The following PTPN4 variants were observed in gnomAD, a reference collection of about 807,000 sequenced individuals.
The protein encoded by PTPN4 is protein tyrosine phosphatase non-receptor type 4.
A neutral mutation model predicts 135.5 loss-of-function variants in PTPN4; 49 were observed. The ratio of observed to expected loss-of-function variants is 0.36; its 90% CI spans 0.29 to 0.46. The LOEUF is 0.46. PTPN4 is among the 20% of genes least tolerant of loss of function. The pLI is 1.00. For synonymous variants in PTPN4, 333 were observed against 369.9 expected (o/e 0.90, Z 1.14); for missense variants, 860 against 1,101.0 (o/e 0.78, Z 3.10).
chr2:119,888,618 A>G (rs1678194571), intron 9 of PTPN4, among the ~76,000 whole-genome samples: 1 of 152,140 alleles, frequency 6.6e-6, no homozygotes. Context: ...TTCTTGTGAT[A>G]TATCATGTTT....
chr2:119,847,523 C>T (rs533953355), intron 2 of PTPN4, among the ~76,000 whole-genome samples: 2 of 152,094 alleles, frequency 1.3e-5, no homozygotes, highest in African/African-American at 4.8e-5. Context: ...AACGGTATTT[C>T]TCCACATTGG....
At chr2:119,880,252 C>T (rs1678051268) in intron 5 of PTPN4, 2 of 152,096 alleles carry the variant, frequency 1.3e-5, no homozygotes, top group Non-Finnish European at 2.9e-5. Context: ...GACTTGAATT[C>T]TGGTTTCTAC....
At chr2:119,798,746 T>A (rs970343082) in intron 1 of PTPN4, among the ~76,000 whole-genome samples, 1 of 152,260 alleles carries the variant, frequency 6.6e-6, no homozygotes, top group Non-Finnish European at 1.5e-5. Context: ...TTTAGGTCTA[T>A]ATTTATTTGG....
At chr2:119,964,870 TAGTACCAAC>T (rs1168080041) in intron 24 of PTPN4, among the ~76,000 whole-genome samples, 2 of 152,206 alleles carry the variant, frequency 1.3e-5, no homozygotes, top group African/African-American at 4.8e-5. Flanking sequence ...GATAATGTCA[TAGTACCAAC>T]AGGTTCATAT....
At chr2:119,866,270 A>T (rs1294607028) in intron 3 of PTPN4, among the ~76,000 whole-genome samples, 1 of 152,038 alleles carries the variant, frequency 6.6e-6, no homozygotes, top group African/African-American at 2.4e-5. Flanking sequence ...TATTAAATTG[A>T]ATTATACTGC....
At position 119,957,093 on chromosome 2, in the gene PTPN4, T is replaced by C. The variant is rs1290697463; in HGVS notation, c.2133+16T>C. ...CTATATAAATGTAAGTTTATTCTTA[T>C]TATGCCTTTGCCATTTGGAAAAATA... On this transcript the variant is annotated intron_variant, in intron 22 of 26. Transcript: ENST00000263708. The C allele has an allele frequency of 7.5e-6, 12 of 1,591,506 alleles. No individual in the cohort carries two copies. The highest frequency in any genetic ancestry group is 1.0e-5 in the Non-Finnish European group (12 of 1,169,734).
At chr2:119,876,104 G>C (rs1677979137) in intron 3 of PTPN4, among the ~76,000 whole-genome samples, 1 of 152,162 alleles carries the variant, frequency 6.6e-6, no homozygotes, top group Non-Finnish European at 1.5e-5. Flanking sequence ...GAAACAGAAA[G>C]GAGGCCATTA....
At chr2:119,807,733 G>T (rs531529780) in intron 1 of PTPN4, among the ~76,000 whole-genome samples, 193 of 152,276 alleles carry the variant, frequency 1.3e-3, no homozygotes, top group African/African-American at 4.4e-3. Flanking sequence ...TATGAGGCCA[G>T]CATCATCCTG....
chr2:119,783,140 A>C (rs528496883), intron 1 of PTPN4, among the ~76,000 whole-genome samples: 2 of 152,074 alleles, frequency 1.3e-5, no homozygotes, highest in Non-Finnish European at 2.9e-5. Flanking sequence ...ATTTGAGTTC[A>C]GTTTTCACTC....
chr2:119,936,399 C>T (rs1678984688), intron 15 of PTPN4, among the ~76,000 whole-genome samples: 1 of 152,128 alleles, frequency 6.6e-6, no homozygotes, highest in East Asian at 1.9e-4. Context: ...ATTGTAATCT[C>T]CAGGTGTCAA....
At chr2:119,911,120 C>G (rs1678564997) in intron 10 of PTPN4, among the ~76,000 whole-genome samples, 1 of 152,104 alleles carries the variant, frequency 6.6e-6, no homozygotes, top group African/African-American at 2.4e-5. Context: ...GCCAATTTTA[C>G]ATAAGCTCTT....
chr2:119,975,462 G>C (rs1293137430), intron 26 of PTPN4, among the ~76,000 whole-genome samples: 1 of 152,136 alleles, frequency 6.6e-6, no homozygotes, highest in East Asian at 1.9e-4. Flanking sequence ...GGTGGCTCAC[G>C]CCTGTAATCT....
chr2:119,882,739 AAAT>A (rs1678098569), intron 8 of PTPN4, 116 bp downstream of exon 8: 3 of 863,208 alleles, frequency 3.5e-6, no homozygotes, highest in Admixed American at 7.8e-5. Context: ...CTGTTACCTA[AAAT>A]AATATTATCA....
At chr2:119,918,515 A>G (rs1678690335) in intron 11 of PTPN4, among the ~76,000 whole-genome samples, 1 of 152,244 alleles carries the variant, frequency 6.6e-6, no homozygotes, top group Non-Finnish European at 1.5e-5. Flanking sequence ...CGTGGCCATT[A>G]ACATTGAACC....
At chr2:119,937,320 T>C (rs1174109794) in intron 15 of PTPN4, among the ~76,000 whole-genome samples, 2 of 152,006 alleles carry the variant, frequency 1.3e-5, no homozygotes, top group Admixed American at 1.3e-4. Flanking sequence ...TGTAATGAAA[T>C]AGATTTTTTT....
intron 1 of PTPN4, among the ~76,000 whole-genome samples, chr2:119,784,775 C>T (rs1691017145): frequency 7.0e-6 from 1 of 143,810 alleles, no homozygotes; most frequent in Admixed American, 7.3e-5. Flanking sequence ...TGAGCTCAAG[C>T]AGTCTGCCCG....
At chr2:119,841,290 G>T (rs1047384990) in intron 2 of PTPN4, among the ~76,000 whole-genome samples, 4 of 152,056 alleles carry the variant, frequency 2.6e-5, no homozygotes, top group African/African-American at 9.7e-5. Flanking sequence ...TAATAAACTT[G>T]TGTATTCCCA....
chr2:119,823,274 G>A (rs1261834159), intron 2 of PTPN4, among the ~76,000 whole-genome samples: 2 of 144,826 alleles, frequency 1.4e-5, no homozygotes, highest in South Asian at 2.2e-4. Flanking sequence ...TCGCTCTGTC[G>A]CCCAGGCTAG....
rs1679671239 is a variant in PTPN4 at position 119,980,190 on chromosome 2, A to G, written c.*3120A>G. On this transcript the variant is annotated 3_prime_UTR_variant, in exon 27 of 27. Coordinates refer to ENST00000263708, the MANE Select transcript of PTPN4 (RefSeq NM_002830.4). ...AATCTGACTTCAGTTGTGCAAAGGT[A>G]TGTTAAGACATTAAGACAATTGCTG... 6.6e-6 allele frequency: 1 copy of G among 152,094 alleles called. No individual in the cohort carries two copies. The allele number at this position is 152,094 out of a possible 1,614,324, so 9.4% of individuals were successfully genotyped here.
Sources: allele counts gnomAD v4.1 joint callset (sites outside exome capture counted in the v4.1 genomes callset), GRCh38; gene constraint gnomAD v4.1.1; transcripts MANE v1.5; gene names NCBI Gene and HGNC (gene_info 2026-07-23, HGNC 2026-07-21).